The following EDIL3 variants were observed in gnomAD, a reference collection of about 807,000 sequenced individuals.
EDIL3 encodes EGF like and discoidin domains 3, also known as EGF-like repeat and discoidin I-like domain-containing protein 3.
A neutral mutation model predicts 67.4 loss-of-function variants in EDIL3; 37 were observed. That is an observed-to-expected ratio of 0.55 (90% CI 0.42 to 0.72). EDIL3 has a LOEUF of 0.72. Ranked by LOEUF, EDIL3 falls within the 30% of genes least tolerant of loss-of-function variation. The pLI, the probability that EDIL3 is intolerant of heterozygous loss-of-function variation, is 0.00. For synonymous variants in EDIL3, 195 were observed against 196.3 expected, an observed-to-expected ratio of 0.99 and a Z score of 0.05; for missense variants, 527 against 586.3, an observed-to-expected ratio of 0.90 and a Z score of 1.04.
At chr5:84,369,237 C>T (rs62360122) in intron 1 of EDIL3, among the ~76,000 whole-genome samples, 15 of 45,950 alleles carry the variant, frequency 3.3e-4, no homozygotes, top group African/African-American at 6.0e-4. Flanking sequence ...TATAAACATA[C>T]ACACACATAT....
rs540238926 is a variant in EDIL3, at chr5:84,128,495, A to T, written c.469+8746T>A. On this transcript the variant is annotated intron_variant, in intron 5 of 10. Transcript: ENST00000296591. Reference sequence around the variant, plus strand: ...ATACTGTCTGGCCCACAAATTAACAATTTAACAGTGTTCCAACTTTCTAGT... The same window carrying T: ...ATACTGTCTGGCCCACAAATTAACATTTTAACAGTGTTCCAACTTTCTAGT... Among the ~76,000 whole-genome samples the T allele has an allele frequency of 1.9e-3, 296 of 151,968 alleles. 1 individual carries two copies. Among genetic ancestry groups the T allele is most frequent in the African/African-American group, 6.3e-3 (261 of 41,432 alleles).
chr5:83,966,123 G>C (rs1346008824), intron 9 of EDIL3, among the ~76,000 whole-genome samples: 1 of 152,028 alleles, frequency 6.6e-6, no homozygotes, highest in Non-Finnish European at 1.5e-5. Context: ...TGAAAGTTGA[G>C]CTGCAAATAT....
intron 3 of EDIL3, among the ~76,000 whole-genome samples, chr5:84,196,214 G>T (rs752478386): frequency 6.6e-6 from 1 of 151,890 alleles, no homozygotes; most frequent in Non-Finnish European, 1.5e-5. Flanking sequence ...AATGATTTGG[G>T]TCTCCACAGT....
At chr5:84,247,368 A>G (rs1228828590) in intron 2 of EDIL3, among the ~76,000 whole-genome samples, 2 of 152,138 alleles carry the variant, frequency 1.3e-5, no homozygotes, top group Non-Finnish European at 2.9e-5. Context: ...ACTTTCTGAT[A>G]TTTCATGAAC....
chr5:84,194,257 G>A (rs897383215), intron 3 of EDIL3, among the ~76,000 whole-genome samples: 5 of 151,774 alleles, frequency 3.3e-5, no homozygotes, highest in Non-Finnish European at 5.9e-5. Flanking sequence ...TGTCTTGCTG[G>A]TGGTGCTATC....
At chr5:83,989,266 T>A (rs138020993) in intron 9 of EDIL3, among the ~76,000 whole-genome samples, 41 of 152,262 alleles carry the variant, frequency 2.7e-4, no homozygotes, top group Admixed American at 8.5e-4. Context: ...AAAAGATTCA[T>A]CCCATTAGAT....
At chr5:84,367,548 G>A (rs1747764493) in intron 1 of EDIL3, among the ~76,000 whole-genome samples, 1 of 152,216 alleles carries the variant, frequency 6.6e-6, no homozygotes, top group Non-Finnish European at 1.5e-5. Flanking sequence ...TTGGGAGGCT[G>A]AGGCAGGAGG....
chr5:84,194,626 T>C (rs1340222658), intron 3 of EDIL3, among the ~76,000 whole-genome samples: 1 of 151,968 alleles, frequency 6.6e-6, no homozygotes, highest in Non-Finnish European at 1.5e-5. Flanking sequence ...TTGAACACAA[T>C]TCATTTTATA....
chr5:84,365,516 T>TGGAA (rs1312814993), intron 1 of EDIL3, among the ~76,000 whole-genome samples: 1 of 152,138 alleles, frequency 6.6e-6, no homozygotes, highest in Non-Finnish European at 1.5e-5. Flanking sequence ...ATCTTCAGAA[T>TGGAA]GGAAAGTAAG....
chr5:84,075,894 A>ACG (rs977552176), intron 6 of EDIL3, among the ~76,000 whole-genome samples: 18 of 129,522 alleles, frequency 1.4e-4, no homozygotes, highest in Non-Finnish European at 2.6e-4. Flanking sequence ...GTGCACGCAC[A>ACG]CACACACACA....
At chr5:84,024,212 T>C (rs543143605) in intron 9 of EDIL3, among the ~76,000 whole-genome samples, 152 of 152,304 alleles carry the variant, frequency 1.0e-3, no homozygotes, top group African/African-American at 3.4e-3. Context: ...AGTTATTGTA[T>C]TTATTTTCTG....
At chr5:84,358,770 C>T (rs1031165518) in intron 1 of EDIL3, among the ~76,000 whole-genome samples, 10 of 151,232 alleles carry the variant, frequency 6.6e-5, no homozygotes, top group African/African-American at 1.9e-4. Context: ...CCACAAGGCC[C>T]GGCTAATTTT....
rs374420359 is a variant in EDIL3 at position 84,026,339 on chromosome 5, A to AT, written c.1137+33960dup. The stretch of plus-strand genomic sequence containing the variant: ...ATGAAAAGAGCATTTTCTGAAGCAA[A>AT]TAGCACTGAGCCAATTTAATTATTT... On this transcript the variant is annotated intron_variant, in intron 9 of 10. Coordinates refer to ENST00000296591, the MANE Select transcript of EDIL3 (RefSeq NM_005711.5). 2.3e-3 allele frequency among the ~76,000 whole-genome samples: 355 copies of AT among 152,362 alleles called. 4 individuals carry two copies. Among genetic ancestry groups the AT allele is most frequent in the African/African-American group, 8.2e-3 (342 of 41,598 alleles).
At chr5:84,291,706 G>T (rs1376184861) in intron 1 of EDIL3, among the ~76,000 whole-genome samples, 1 of 138,902 alleles carries the variant, frequency 7.2e-6, no homozygotes, top group Non-Finnish European at 1.5e-5. Flanking sequence ...ATCTATCTAT[G>T]TAGATCTATC....
At chr5:84,011,537 A>G (rs1745516759) in intron 9 of EDIL3, among the ~76,000 whole-genome samples, 5 of 152,162 alleles carry the variant, frequency 3.3e-5, no homozygotes. Flanking sequence ...TTTTAAAACT[A>G]CAAACAAGTT....
At chr5:83,978,585 G>A (rs974892180) in intron 9 of EDIL3, among the ~76,000 whole-genome samples, 3 of 151,914 alleles carry the variant, frequency 2.0e-5, no homozygotes, top group Non-Finnish European at 2.9e-5. Flanking sequence ...TACTATTGCC[G>A]CCTAAGATTA....
At chr5:84,106,439 G>A (rs372503854) in intron 6 of EDIL3, among the ~76,000 whole-genome samples, 61 of 151,962 alleles carry the variant, frequency 4.0e-4, no homozygotes, top group African/African-American at 1.3e-3. Flanking sequence ...TATTTTTAAC[G>A]TTTTTGATCT....
chr5:84,295,559 T>A (rs1746033064), intron 1 of EDIL3, among the ~76,000 whole-genome samples: 1 of 152,082 alleles, frequency 6.6e-6, no homozygotes, highest in African/African-American at 2.4e-5. Context: ...TGACTTTTCC[T>A]AAATATAATG....
chr5:84,319,450 C>G (rs62360090), intron 1 of EDIL3, among the ~76,000 whole-genome samples: 3 of 69,338 alleles, frequency 4.3e-5, no homozygotes, highest in African/African-American at 1.6e-4. Context: ...GGCGACAGAA[C>G]GAGACTCCGT....
Sources: allele counts gnomAD v4.1 joint callset (sites outside exome capture counted in the v4.1 genomes callset), GRCh38; gene constraint gnomAD v4.1.1; transcripts MANE v1.5; gene names NCBI Gene and HGNC (gene_info 2026-07-23, HGNC 2026-07-21).